The following REPS1 variants were observed in gnomAD, a reference collection of about 807,000 sequenced individuals.
REPS1 encodes the protein ralBP1-associated Eps domain-containing protein 1.
Under a neutral mutation model 100.9 loss-of-function variants are expected in REPS1, and 39 were observed. The ratio of observed to expected loss-of-function variants is 0.39; its 90% CI spans 0.30 to 0.50. REPS1 has a LOEUF of 0.50. Ranked by LOEUF, REPS1 falls within the 20% of genes least tolerant of loss-of-function variation. REPS1 has a pLI of 0.86. For synonymous variants in REPS1, 324 were observed against 340.3 expected, an observed-to-expected ratio of 0.95 and a Z score of 0.53; for missense variants, 821 against 968.5, an observed-to-expected ratio of 0.85 and a Z score of 2.02.
At chr6:138,908,865 T>C in intron 17 of REPS1, 49 bp from the exon 18 acceptor site, 1 of 1,560,262 alleles carries the variant, frequency 6.4e-7, no homozygotes, top group African/African-American at 1.4e-5. Flanking sequence ...AAGACATTCA[T>C]AGTTAGCACT....
At chr6:138,952,432 T>C (rs1783097992) in intron 1 of REPS1, among the ~76,000 whole-genome samples, 1 of 151,764 alleles carries the variant, frequency 6.6e-6, no homozygotes, top group African/African-American at 2.4e-5. Flanking sequence ...AGAGTCCTGC[T>C]CTGTCACCCA....
At chr6:138,932,459 A>AC (rs71009602) in intron 8 of REPS1, among the ~76,000 whole-genome samples, 28,548 of 146,974 alleles carry the variant, frequency 0.19, 2,951 homozygotes, top group South Asian at 0.32. Context: ...TGTATTCCTT[A>AC]CCCCCCCCCA....
intron 1 of REPS1, among the ~76,000 whole-genome samples, chr6:138,965,645 C>T (rs1783977822): frequency 6.6e-6 from 1 of 152,146 alleles, no homozygotes; most frequent in Admixed American, 6.5e-5. Flanking sequence ...TAAACCAGGA[C>T]TGTCTTAAGC....
chr6:138,980,034 A>T (rs1267801189), intron 1 of REPS1, among the ~76,000 whole-genome samples: 1 of 152,092 alleles, frequency 6.6e-6, no homozygotes, highest in Non-Finnish European at 1.5e-5. Flanking sequence ...TCTCCCACGA[A>T]ACAATCCCCC....
intron 1 of REPS1, among the ~76,000 whole-genome samples, chr6:138,969,412 C>T (rs1456076293): frequency 6.6e-6 from 1 of 150,858 alleles, no homozygotes; most frequent in Non-Finnish European, 1.5e-5. Context: ...GCCTTAGCCT[C>T]CTGAGCAGCT....
chr6:138,987,501 C>T (rs1298887805), intron 1 of REPS1, 29 bp downstream of exon 1: 3 of 1,538,616 alleles, frequency 1.9e-6, no homozygotes, highest in African/African-American at 1.4e-5. Flanking sequence ...AGGCCTAAGC[C>T]GCCCGCCGGC....
chr6:138,980,250 T>G (rs895098053), intron 1 of REPS1, among the ~76,000 whole-genome samples: 1 of 152,228 alleles, frequency 6.6e-6, no homozygotes, highest in Admixed American at 6.5e-5. Flanking sequence ...CCTGGACTGT[T>G]GCATATCCAC....
chr6:138,966,969 T>G (rs1385421726), intron 1 of REPS1, among the ~76,000 whole-genome samples: 1 of 152,234 alleles, frequency 6.6e-6, no homozygotes, highest in East Asian at 1.9e-4. Context: ...CTTTGGAAAT[T>G]TAATCTCCAA....
intron 12 of REPS1, among the ~76,000 whole-genome samples, chr6:138,918,605 T>G (rs726092): frequency 0.15 from 22,677 of 152,208 alleles, 1,781 homozygotes; most frequent in African/African-American, 0.18. Flanking sequence ...ACGTTACTTC[T>G]GTAATGGACA....
chr6:138,925,001 T>C (rs1299953692), intron 10 of REPS1, among the ~76,000 whole-genome samples: 2 of 152,134 alleles, frequency 1.3e-5, no homozygotes, highest in African/African-American at 4.8e-5. Flanking sequence ...CTGTTTGAAT[T>C]CAATAAATGT....
chr6:138,980,685 C>CGGGGGGGGGGG (rs377362890), intron 1 of REPS1, among the ~76,000 whole-genome samples: 1 of 14,830 alleles, frequency 6.7e-5, no homozygotes, highest in Non-Finnish European at 1.3e-4. Flanking sequence ...GTGGGTGGGG[C>CGGGGGGGGGGG]GGGGGGGGGG....
intron 17 of REPS1, chr6:138,910,893 G>GA (rs746545475): frequency 7.9e-4 from 123 of 155,912 alleles, no homozygotes; most frequent in Middle Eastern, 3.3e-3. Context: ...AATGTTGGGG[G>GA]AAAAAATTAT....
chr6:138,983,652 A>G (rs1485660193), intron 1 of REPS1, among the ~76,000 whole-genome samples: 1 of 151,984 alleles, frequency 6.6e-6, no homozygotes, highest in Non-Finnish European at 1.5e-5. Context: ...CCCCCAGATG[A>G]CTCAGTCTCC....
intron 12 of REPS1, among the ~76,000 whole-genome samples, chr6:138,918,717 C>T: frequency 6.6e-6 from 1 of 152,100 alleles, no homozygotes; most frequent in East Asian, 1.9e-4. Context: ...ATAAAATGTG[C>T]TTATACAATA....
At chr6:138,962,200 T>C (rs1417572381) in intron 1 of REPS1, among the ~76,000 whole-genome samples, 1 of 152,134 alleles carries the variant, frequency 6.6e-6, no homozygotes, top group African/African-American at 2.4e-5. Flanking sequence ...TAATGTCCCT[T>C]TGTGTCCTTT....
At chr6:138,930,428 T>A (rs1043452285) in intron 8 of REPS1, among the ~76,000 whole-genome samples, 3 of 152,200 alleles carry the variant, frequency 2.0e-5, no homozygotes, top group Admixed American at 2.0e-4. Flanking sequence ...TCCCAAAGTG[T>A]ATTCTATTCC....
Position 138,921,090 on chromosome 6 carries a change from A to C in REPS1, c.1373T>G (p.Met458Arg). ...CTGCATGTGGATTTTGCTTGGAGTC[A>C]TACGAATGGGAACTGGATGAACAAT... ...TAIVHPVPIR[M>R]TPSKIHMQEM... Residue 458 changes from methionine to arginine, a missense_variant, in exon 11 of 20, where the codon ATG becomes AGG. Met to Arg is a moderately conservative substitution (Grantham distance 91, BLOSUM62 -1). This residue lies in a region of REPS1 where 757 missense variants were observed against 866.4 expected (regional missense o/e 0.87). Transcript: ENST00000450536. The C allele has an allele frequency of 6.2e-7, 1 of 1,612,428 alleles. No homozygotes were observed. Among genetic ancestry groups the C allele is most frequent in the Non-Finnish European group, 8.5e-7 (1 of 1,178,840 alleles).
chr6:138,915,837 T>G (rs1231032556), intron 14 of REPS1, 21 bp downstream of exon 14: 1 of 1,473,308 alleles, frequency 6.8e-7, no homozygotes. Flanking sequence ...ATAATGTATA[T>G]TATGGTTCTC....
intron 1 of REPS1, among the ~76,000 whole-genome samples, chr6:138,987,143 T>C (rs1785309427): frequency 6.6e-6 from 1 of 152,242 alleles, no homozygotes; most frequent in Non-Finnish European, 1.5e-5. Context: ...AAAACCATTT[T>C]GCCCATACTG....
Sources: allele counts gnomAD v4.1 joint callset (sites outside exome capture counted in the v4.1 genomes callset), GRCh38; gene constraint gnomAD v4.1.1; regional missense constraint gnomAD v4.1.1; transcripts MANE v1.5; gene names NCBI Gene and HGNC (gene_info 2026-07-23, HGNC 2026-07-21).